The following NOX4 variants were observed in gnomAD, a reference collection of about 807,000 sequenced individuals.
The protein encoded by NOX4 is kidney oxidase-1.
A neutral mutation model predicts 87.6 loss-of-function variants in NOX4; 69 were observed. The observed-to-expected ratio is 0.79, with a 90% CI of 0.65 to 0.96. The LOEUF (loss-of-function observed/expected upper bound fraction) is 0.96. Among genes scored for constraint, NOX4 ranks in the 40% least tolerant of loss-of-function variants. The pLI is 0.00. For synonymous variants in NOX4, 275 were observed against 238.2 expected, an observed-to-expected ratio of 1.15 and a Z score of -1.42; for missense variants, 680 against 681.5, an observed-to-expected ratio of 1.00 and a Z score of 0.02.
At chr11:89,468,143 C>G (rs1024524767) in intron 2 of NOX4, among the ~76,000 whole-genome samples, 1 of 152,190 alleles carries the variant, frequency 6.6e-6, no homozygotes, top group Non-Finnish European at 1.5e-5. Flanking sequence ...AGGTAACCTA[C>G]ACTCTGTTTG....
At chr11:89,391,206 G>A (rs1303933244) in intron 11 of NOX4, among the ~76,000 whole-genome samples, 1 of 152,118 alleles carries the variant, frequency 6.6e-6, no homozygotes, top group Non-Finnish European at 1.5e-5. Context: ...ATAATTTAAT[G>A]ACTGGTGTTG....
chr11:89,451,629 TCA>T (rs1413062328), intron 3 of NOX4, among the ~76,000 whole-genome samples, 154 bp downstream of exon 3: 2 of 152,106 alleles, frequency 1.3e-5, no homozygotes, highest in African/African-American at 4.8e-5. Context: ...GCAGAATAAC[TCA>T]CAGATCATCT....
At chr11:89,457,714 T>A (rs779297228) in intron 2 of NOX4, among the ~76,000 whole-genome samples, 62 of 152,058 alleles carry the variant, frequency 4.1e-4, no homozygotes, top group Middle Eastern at 3.4e-3. Flanking sequence ...AAAAACTCCA[T>A]CCAAAGAACA....
chr11:89,427,804 T>C (rs1195503941), intron 7 of NOX4, among the ~76,000 whole-genome samples: 1 of 152,144 alleles, frequency 6.6e-6, no homozygotes, highest in African/African-American at 2.4e-5. Flanking sequence ...TGCAAGATAT[T>C]ATCCAGGAGA....
At chr11:89,566,261 T>C in the NOX4 span, among the ~76,000 whole-genome samples, 2 of 152,102 alleles carry the variant, frequency 1.3e-5, no homozygotes, top group Admixed American at 6.5e-5. Context: ...GCCAGGATGG[T>C]CTTGATCTCC....
chr11:89,490,525 A>T lies in NOX4; in HGVS notation c.86T>A (p.Leu29His). The T allele has an allele frequency of 6.2e-7, 1 of 1,614,094 alleles. No individual in the cohort carries two copies. The highest frequency in any genetic ancestry group is 8.5e-7 in the Non-Finnish European group (1 of 1,179,978). ...ATACAGCAAGAAGGTTTTCCAGAAA[A>T]GCAGGACATTCATGGAGAGCCAGAT... ...LFIWLSMNVL[L>H]FWKTFLLYNQ... Residue 29 changes from leucine to histidine, a missense_variant, in exon 2 of 18, where the codon CTT (leucine) becomes CAT (histidine). Physicochemically the swap from Leu to His is moderately conservative, Grantham distance 99 (BLOSUM62 -3). Coordinates refer to ENST00000263317, the MANE Select transcript of NOX4 (RefSeq NM_016931.5).
intron 12 of NOX4, among the ~76,000 whole-genome samples, chr11:89,359,424 T>C (rs1938340709): frequency 1.4e-5 from 2 of 147,388 alleles, no homozygotes; most frequent in South Asian, 2.2e-4. Context: ...TCTGTCACCC[T>C]GGATGGAGTG....
chr11:89,342,303 A>G (rs1334784605), intron 13 of NOX4, 110 bp from the exon 14 acceptor site: 2 of 924,020 alleles, frequency 2.2e-6, no homozygotes, highest in Non-Finnish European at 3.3e-6. Flanking sequence ...GTGATGGGTC[A>G]GGCCTTATTT....
At chr11:89,446,011 C>A (rs1281955151) in intron 4 of NOX4, among the ~76,000 whole-genome samples, 1 of 151,918 alleles carries the variant, frequency 6.6e-6, no homozygotes, top group African/African-American at 2.4e-5. Flanking sequence ...ACTTAAAATT[C>A]AATAACAAGA....
At chr11:89,430,232 C>T (rs1302852622) in intron 7 of NOX4, among the ~76,000 whole-genome samples, 1 of 152,132 alleles carries the variant, frequency 6.6e-6, no homozygotes, top group Non-Finnish European at 1.5e-5. Flanking sequence ...TTATGACAAA[C>T]CCACAGCCAA....
Position 89,385,575 on chromosome 11 carries a change from G to A in NOX4, c.1075-12083C>T, listed in dbSNP as rs545908908. ...ATAACGTCTTTCATGTAGGTTACAA[G>A]CTGGTAGCCTGCCTCTTAAAACCTC... On this transcript the variant is annotated intron_variant, in intron 11 of 17. Transcript: ENST00000263317. Among the ~76,000 whole-genome samples the A allele has an allele frequency of 6.6e-5, 10 of 152,268 alleles. 1 individual carries two copies. The South Asian group carries it at 1.5e-3, about 22-fold the overall frequency.
chr11:89,454,979 A>C (rs1158421420), intron 2 of NOX4, among the ~76,000 whole-genome samples: 1 of 152,098 alleles, frequency 6.6e-6, no homozygotes, highest in African/African-American at 2.4e-5. Context: ...GGTTAAAACT[A>C]AGGCAAAAAA....
chr11:89,501,362 C>T (rs74522989), upstream of NOX4, among the ~76,000 whole-genome samples: 1,360 of 152,016 alleles, frequency 8.9e-3, 21 homozygotes, highest in African/African-American at 0.031. Context: ...TCAGAGTCAG[C>T]TCAGAGGTAA....
At chr11:89,422,795 ATT>A (rs147956211) in intron 7 of NOX4, among the ~76,000 whole-genome samples, 1,334 of 110,918 alleles carry the variant, frequency 0.012, 14 homozygotes, top group African/African-American at 0.028. Flanking sequence ...CAAAGTTCTG[ATT>A]TTTTTTTTTT....
intron 12 of NOX4, among the ~76,000 whole-genome samples, chr11:89,362,357 C>T (rs1591024602): frequency 6.6e-6 from 1 of 152,076 alleles, no homozygotes; most frequent in Admixed American, 6.6e-5. Context: ...TTTCCAGAAC[C>T]TTCCAGATGT....
chr11:89,567,718 C>G, the NOX4 span, among the ~76,000 whole-genome samples: 2 of 152,160 alleles, frequency 1.3e-5, no homozygotes, highest in Non-Finnish European at 2.9e-5. Context: ...AGGTCCCTCC[C>G]CCAACCAGTG....
At chr11:89,359,266 AC>A (rs1353356201) in intron 12 of NOX4, among the ~76,000 whole-genome samples, 2 of 152,082 alleles carry the variant, frequency 1.3e-5, no homozygotes, top group African/African-American at 2.4e-5. Context: ...TCTTTTTGTG[AC>A]CAAGATGTTT....
At chr11:89,431,361 A>C (rs929379430) in intron 7 of NOX4, among the ~76,000 whole-genome samples, 2 of 152,190 alleles carry the variant, frequency 1.3e-5, no homozygotes, top group African/African-American at 2.4e-5. Context: ...AATGGGATCT[A>C]ATTAAACTAA....
the NOX4 span, among the ~76,000 whole-genome samples, chr11:89,581,148 G>A: frequency 2.6e-5 from 4 of 152,172 alleles, no homozygotes; most frequent in East Asian, 7.7e-4. Context: ...TTATGGAAAT[G>A]GTAGATGTGG....
Sources: gnomAD v4.1 joint callset for allele counts (sites outside exome capture counted in the v4.1 genomes callset) on GRCh38, gnomAD v4.1.1 for gene constraint, MANE v1.5 for transcripts, NCBI Gene and HGNC (gene_info 2026-07-23, HGNC 2026-07-21) for gene names.